Variants in JAZF1 observed in about 807,000 individuals in gnomAD.
JAZF1 encodes the protein JAZF zinc finger 1, also known as juxtaposed with another zinc finger protein 1.
In JAZF1, 8 loss-of-function variants were observed where a neutral mutation model predicts 26.4. The ratio of observed to expected loss-of-function variants is 0.30; its 90% CI spans 0.18 to 0.55. The LOEUF (loss-of-function observed/expected upper bound fraction) is 0.55, where lower values mean the gene tolerates loss of function less well. Among genes scored for constraint, JAZF1 ranks in the 20% least tolerant of loss-of-function variants. JAZF1 has a pLI of 0.94. For missense variants in JAZF1, 199 were observed against 322.0 expected, an observed-to-expected ratio of 0.62 and a Z score of 2.92; for synonymous variants, 126 against 122.3, an observed-to-expected ratio of 1.03 and a Z score of -0.20.
At chr7:27,853,967 G>T (rs1369181085) in intron 3 of JAZF1, among the ~76,000 whole-genome samples, 2 of 152,154 alleles carry the variant, frequency 1.3e-5, no homozygotes, top group African/African-American at 4.8e-5. Flanking sequence ...ATTGACAGTG[G>T]AGTGTTAAAG....
At chr7:28,023,778 G>A (rs1783045191) in intron 1 of JAZF1, among the ~76,000 whole-genome samples, 1 of 152,214 alleles carries the variant, frequency 6.6e-6, no homozygotes, top group African/African-American at 2.4e-5. Context: ...AGGCTGACAG[G>A]TAGACAGACA....
At chr7:27,887,907 A>C (rs1220706680) in intron 3 of JAZF1, among the ~76,000 whole-genome samples, 1 of 152,120 alleles carries the variant, frequency 6.6e-6, no homozygotes, top group Non-Finnish European at 1.5e-5. Context: ...TAGCCATAAG[A>C]CTCGACCATG....
intron 1 of JAZF1, among the ~76,000 whole-genome samples, chr7:28,104,303 T>G (rs1290503998): frequency 6.6e-6 from 1 of 152,256 alleles, no homozygotes; most frequent in Non-Finnish European, 1.5e-5. Context: ...TCACTTCATT[T>G]ATTTGTGGTC....
chr7:27,875,212 T>C (rs1783655498), intron 3 of JAZF1, among the ~76,000 whole-genome samples: 1 of 152,154 alleles, frequency 6.6e-6, no homozygotes, highest in Non-Finnish European at 1.5e-5. Flanking sequence ...TCTCGCTTTC[T>C]CTTCCAGCCT....
At chr7:28,074,010 TC>T in intron 1 of JAZF1, among the ~76,000 whole-genome samples, 1 of 152,044 alleles carries the variant, frequency 6.6e-6, no homozygotes, top group Non-Finnish European at 1.5e-5. Context: ...TGAGGCTTTT[TC>T]CCTTCAACGT....
chr7:28,125,346 C>A (rs547325843), intron 1 of JAZF1, among the ~76,000 whole-genome samples: 1 of 151,948 alleles, frequency 6.6e-6, no homozygotes, highest in South Asian at 2.1e-4. Context: ...TGTAGTAAAA[C>A]GATAATTTAT....
intron 3 of JAZF1, among the ~76,000 whole-genome samples, chr7:27,884,020 G>A (rs988654098): frequency 7.9e-5 from 12 of 152,152 alleles, no homozygotes; most frequent in African/African-American, 2.7e-4. Context: ...TTATAAGAGC[G>A]GAAATGCTAT....
intron 2 of JAZF1, among the ~76,000 whole-genome samples, chr7:27,900,254 T>C (rs928358740): frequency 1.3e-5 from 2 of 152,246 alleles, no homozygotes; most frequent in African/African-American, 4.8e-5. Context: ...TTGGTGAGTC[T>C]GTTGTTAAAC....
chr7:27,884,192 C>G (rs534750007), intron 3 of JAZF1, among the ~76,000 whole-genome samples: 10 of 152,280 alleles, frequency 6.6e-5, no homozygotes, highest in Admixed American at 5.2e-4. Context: ...CACTCTGTCA[C>G]CCAATCACAG....
intron 1 of JAZF1, among the ~76,000 whole-genome samples, chr7:28,042,081 A>G (rs1422638231): frequency 3.9e-5 from 6 of 152,242 alleles, no homozygotes; most frequent in African/African-American, 1.2e-4. Flanking sequence ...AACAGTGACA[A>G]CCAAGAGGAA....
intron 2 of JAZF1, among the ~76,000 whole-genome samples, chr7:27,947,498 C>A (rs1421357507): frequency 6.6e-6 from 1 of 152,184 alleles, no homozygotes; most frequent in Non-Finnish European, 1.5e-5. Context: ...CTTATGAGAG[C>A]CTCTGCTATT....
At chr7:27,949,801 T>A (rs1340504074) in intron 2 of JAZF1, among the ~76,000 whole-genome samples, 1 of 152,112 alleles carries the variant, frequency 6.6e-6, no homozygotes, top group Admixed American at 6.6e-5. Flanking sequence ...AAAATAAAAT[T>A]AACAGTCTGC....
chr7:28,057,764 C>A (rs577425760), intron 1 of JAZF1, among the ~76,000 whole-genome samples: 52 of 152,060 alleles, frequency 3.4e-4, no homozygotes, highest in Admixed American at 1.5e-3. Flanking sequence ...TCAAAATATT[C>A]TTTTATTAGA....
intron 1 of JAZF1, among the ~76,000 whole-genome samples, chr7:28,111,585 G>A (rs912813399): frequency 2.0e-5 from 3 of 152,162 alleles, no homozygotes; most frequent in Non-Finnish European, 4.4e-5. Context: ...TCAGTAAAAG[G>A]CGGATAATAA....
intron 1 of JAZF1, among the ~76,000 whole-genome samples, chr7:28,151,339 A>G (rs1488092683): frequency 1.3e-5 from 2 of 151,806 alleles, no homozygotes; most frequent in African/African-American, 4.8e-5. Context: ...TCCTGACCAC[A>G]AGTGATCTGC....
Position 27,977,396 on chromosome 7 carries a change from G to A in JAZF1, c.188+14513C>T, listed in dbSNP as rs148536157. The stretch of plus-strand genomic sequence containing the variant: ...CTGTCTCCTCTGACAATCTTATGTG[G>A]GTTTGGTTTTAGGGATCATTGGGGT... On this transcript the variant is annotated intron_variant, in intron 2 of 4. Transcript: ENST00000283928. Among the ~76,000 whole-genome samples, 395 of 152,252 alleles carry A rather than the reference G, an allele frequency of 2.6e-3. 1 individual carries two copies. Among genetic ancestry groups the A allele is most frequent in the African/African-American group, 9.1e-3 (376 of 41,530 alleles).
At chr7:27,932,099 T>A (rs965248775) in intron 2 of JAZF1, among the ~76,000 whole-genome samples, 1 of 151,914 alleles carries the variant, frequency 6.6e-6, no homozygotes, top group African/African-American at 2.4e-5. Flanking sequence ...ACTGGAGAAA[T>A]AAGCCAAAGG....
Position 28,071,043 on chromosome 7 carries a change from G to A in JAZF1, c.116-79062C>T, listed in dbSNP as rs116004607. On this transcript the variant is annotated intron_variant, in intron 1 of 4. Coordinates refer to ENST00000283928, the MANE Select transcript of JAZF1 (RefSeq NM_175061.4). ...GGCATCTTACCTAGAACTGGTTACC[G>A]GGTGAAGGTAAGATAAACAGAGTAT... Among the ~76,000 whole-genome samples the A allele has an allele frequency of 2.3e-3, 344 of 152,294 alleles. 1 individual carries two copies. Among genetic ancestry groups the A allele is most frequent in the African/African-American group, 7.9e-3 (330 of 41,566 alleles).
chr7:28,029,109 G>C (rs1431373854), intron 1 of JAZF1, among the ~76,000 whole-genome samples: 3 of 151,836 alleles, frequency 2.0e-5, no homozygotes, highest in East Asian at 1.9e-4. Context: ...CACTTCTAAG[G>C]GCTGCAGTGA....
Sources: gnomAD v4.1 joint callset for allele counts (sites outside exome capture counted in the v4.1 genomes callset) on GRCh38, gnomAD v4.1.1 for gene constraint, MANE v1.5 for transcripts, NCBI Gene and HGNC (gene_info 2026-07-23, HGNC 2026-07-21) for gene names.